Variants in SECISBP2 observed in about 807,000 individuals in gnomAD.
SECISBP2 encodes the protein SECIS binding protein 2.
SECISBP2 carries 96 observed loss-of-function variants against 98.2 expected under a neutral mutation model. The ratio of observed to expected loss-of-function variants is 0.98; its 90% CI spans 0.83 to 1.16. The LOEUF is 1.16. SECISBP2 is among the 50% of genes most tolerant of loss of function. SECISBP2 has a pLI of 0.00. For synonymous variants in SECISBP2, 407 were observed against 370.2 expected (o/e 1.10, Z -1.14); for missense variants, 1,046 against 1,022.9 (o/e 1.02, Z -0.31).
At chr9:89,329,412 A>C (rs1394246578) in intron 5 of SECISBP2, 11 of 160,368 alleles carry the variant, frequency 6.9e-5, no homozygotes, top group Non-Finnish European at 1.2e-4. Flanking sequence ...CACCCACGCC[A>C]CTGTGCCCGG....
At position 89,325,489 on chromosome 9, in the gene SECISBP2, C is replaced by T; in HGVS notation, c.245C>T (p.Ser82Phe). Residue 82 changes from serine (S) to phenylalanine (F), a missense_variant, in exon 3 of 17, where the codon TCT becomes TTT. Transcript: ENST00000375807. Reference sequence around the variant, plus strand: ...TCAACTTTTCCACCTCAGTATTTATCTTCTGAGATAACTCTTCATCCATAT... The same window carrying T: ...TCAACTTTTCCACCTCAGTATTTATTTTCTGAGATAACTCTTCATCCATAT... ...GASTFPPQYL[S>F]SEITLHPYAY... 1 of 1,613,180 alleles carries T rather than the reference C, an allele frequency of 6.2e-7. No individual in the cohort carries two copies. Among genetic ancestry groups the T allele is most frequent in the Non-Finnish European group, 8.5e-7 (1 of 1,179,282 alleles).
chr9:89,350,638 CA>C lies in SECISBP2; in HGVS notation c.1900del (p.Ser634AlafsTer44). Reference protein sequence around the residue: ...IHSRRFRDYCSQMLSKEVDAC... With the variant: ...IHSRRFRDYCXQMLSKEVDAC... The stretch of plus-strand genomic sequence containing the variant: ...TGTCTGATGTTTCTTTCAGTTACTG[CA>C]GCCAGATGCTTAGTAAAGAAGTGGA... On this transcript the variant is annotated frameshift_variant, in exon 14 of 17. Coordinates refer to ENST00000375807, the MANE Select transcript of SECISBP2 (RefSeq NM_024077.5). LOFTEE classifies it high-confidence loss of function. The C allele has an allele frequency of 6.2e-7, 1 of 1,613,864 alleles. No homozygotes were observed. Among genetic ancestry groups the C allele is most frequent in the East Asian group, 2.2e-5 (1 of 44,890 alleles).
chr9:89,321,523 C>T (rs1825799552), intron 2 of SECISBP2, among the ~76,000 whole-genome samples: 1 of 152,008 alleles, frequency 6.6e-6, no homozygotes, highest in African/African-American at 2.4e-5. Flanking sequence ...AAAAATTAGC[C>T]GGGTGTGGTG....
At chr9:89,364,296 C>G (rs567961987), downstream of SECISBP2, 9 of 381,366 alleles carry the variant, frequency 2.4e-5, no homozygotes, top group Admixed American at 3.7e-5. Flanking sequence ...CCCACCATGG[C>G]CCTGCTGCCA....
rs949561573 is a variant in SECISBP2, at chr9:89,328,892, G to A, written c.801+6G>A. 3.1e-6 allele frequency: 5 copies of A among 1,604,032 alleles called. No homozygotes were observed. Among genetic ancestry groups the A allele is most frequent in the Non-Finnish European group, 4.3e-6 (5 of 1,171,400 alleles). On this transcript the variant is annotated splice_donor_region_variant and intron_variant, in intron 5 of 16. Transcript: ENST00000375807. Reference sequence around the variant, plus strand: ...CAGCTGCAGTGTTATCAAAGGTGAGGTGAGGGTTTCTCTCTTTTTCTTTTT... The same window carrying A: ...CAGCTGCAGTGTTATCAAAGGTGAGATGAGGGTTTCTCTCTTTTTCTTTTT...
At chr9:89,340,105 G>C in intron 9 of SECISBP2, 152 bp downstream of exon 9, 1 of 626,718 alleles carries the variant, frequency 1.6e-6, no homozygotes, top group Non-Finnish European at 2.9e-6. Flanking sequence ...CACCCAGCAT[G>C]TTGAAACAGA....
intron 10 of SECISBP2, among the ~76,000 whole-genome samples, chr9:89,342,932 CAATT>C (rs986914656): frequency 1.3e-5 from 2 of 152,178 alleles, no homozygotes; most frequent in Admixed American, 6.5e-5. Context: ...CATATTACCA[CAATT>C]AAAACATTTT....
chr9:89,322,428 T>A (rs1399838465), intron 2 of SECISBP2: 1 of 152,248 alleles, frequency 6.6e-6, no homozygotes, highest in Non-Finnish European at 1.5e-5. Flanking sequence ...ATACTTCCAC[T>A]TCTTTCATAG....
At chr9:89,363,589 C>T, downstream of SECISBP2, 2 of 1,604,648 alleles carry the variant, frequency 1.2e-6, no homozygotes, top group Non-Finnish European at 1.7e-6. Context: ...CCCTTGATGC[C>T]CACTGGCCAC....
intron 10 of SECISBP2, among the ~76,000 whole-genome samples, chr9:89,343,278 G>A (rs1233909049): frequency 2.0e-5 from 3 of 152,048 alleles, no homozygotes; most frequent in Non-Finnish European, 4.4e-5. Context: ...TTTTAGATAT[G>A]TTTCTTCCTT....
intron 14 of SECISBP2, among the ~76,000 whole-genome samples, chr9:89,352,909 C>T (rs534001458): frequency 6.6e-6 from 1 of 151,330 alleles, no homozygotes; most frequent in Non-Finnish European, 1.5e-5. Flanking sequence ...ATGCCTAGTT[C>T]CTCTCCCTGC....
chr9:89,318,521 C>G lies in SECISBP2; in HGVS notation c.-56C>G. ...GGGCGGAAACGCTTTGTCTGTCCGG[C>G]AAGCCGACGGCCCGCTGCTGGCCTC... is the stretch of plus-strand genomic sequence containing the variant. On this transcript the variant is annotated 5_prime_UTR_variant, in exon 1 of 17. Transcript: ENST00000375807. 2.0e-6 allele frequency: 3 copies of G among 1,507,142 alleles called. No individual in the cohort carries two copies. Among genetic ancestry groups the G allele is most frequent in the Admixed American group, 4.0e-5 (2 of 49,606 alleles). The allele number at this position is 1,507,142 out of a possible 1,614,324, so 93.4% of individuals were successfully genotyped here.
In SECISBP2 at chr9:89,348,081, T is replaced by C. The variant is rs774311511; in HGVS notation, c.1605T>C (p.Ile535=). ...TAATTGTTTATTTAATTTTTAAGAT[T>C]ATTTTGAAAGAACGGCAAGAGAGAA... The part of the protein sequence containing the change: ...KAKKPTSLKK[I]ILKERQERKQ... Residue 535 remains isoleucine (I), a splice_region_variant and synonymous_variant, in exon 12 of 17, where the codon ATT becomes ATC. Transcript: ENST00000375807. The C allele has an allele frequency of 1.9e-5, 31 of 1,612,658 alleles. No individual in the cohort carries two copies. Among genetic ancestry groups the C allele is most frequent in the Non-Finnish European group, 1.0e-5 (12 of 1,178,838 alleles).
intron 1 of SECISBP2, among the ~76,000 whole-genome samples, 183 bp from the exon 2 acceptor site, chr9:89,319,469 C>CA (rs142623218): frequency 0.028 from 4,097 of 145,480 alleles, 175 homozygotes; most frequent in East Asian, 0.17. Context: ...GCCTTTTCTA[C>CA]AAAAAAAAAA....
chr9:89,352,839 CTT>C (rs879335688), intron 14 of SECISBP2, among the ~76,000 whole-genome samples: 3 of 143,144 alleles, frequency 2.1e-5, no homozygotes, highest in African/African-American at 5.1e-5. Flanking sequence ...CTGAAGATTC[CTT>C]TTTTTTTTTT....
At chr9:89,365,871 C>T in the SECISBP2 span, among the ~76,000 whole-genome samples, 14 of 152,218 alleles carry the variant, frequency 9.2e-5, no homozygotes, top group Non-Finnish European at 1.5e-4. Flanking sequence ...ATGAAGCTGA[C>T]TTTAGTAATG....
intron 10 of SECISBP2, among the ~76,000 whole-genome samples, chr9:89,345,983 G>A (rs1830363200): frequency 6.6e-6 from 1 of 152,234 alleles, no homozygotes; most frequent in African/African-American, 2.4e-5. Context: ...CAGTGAATCA[G>A]ACAGTCAGAC....
At chr9:89,343,864 G>A (rs1428142561) in intron 10 of SECISBP2, among the ~76,000 whole-genome samples, 3 of 152,150 alleles carry the variant, frequency 2.0e-5, no homozygotes, top group Non-Finnish European at 4.4e-5. Flanking sequence ...CCCAGTAATG[G>A]GATTGCTGGG....
In SECISBP2 at chr9:89,326,016, C is replaced by T. The variant is rs775628362; in HGVS notation, c.552C>T (p.Tyr184=). The T allele has an allele frequency of 8.7e-6, 14 of 1,613,372 alleles. No homozygotes were observed. Among genetic ancestry groups the T allele is most frequent in the Admixed American group, 3.3e-5 (2 of 60,008 alleles). The change falls in exon 4 of 17, where the codon TAC becomes TAT. Residue 184 remains tyrosine, a synonymous_variant. Coordinates refer to ENST00000375807, the MANE Select transcript of SECISBP2 (RefSeq NM_024077.5). ...GAGGTTCACATCATTTGTCCATTTA[C>T]GCTGAGAATAGTTTGAAATCAGGTA... ...SARGSHHLSI[Y]AENSLKSDGY...
Sources: gnomAD v4.1 joint callset for allele counts (sites outside exome capture counted in the v4.1 genomes callset) on GRCh38, gnomAD v4.1.1 for gene constraint, MANE v1.5 for transcripts, NCBI Gene and HGNC (gene_info 2026-07-23, HGNC 2026-07-21) for gene names.